Variants in RASSF5 observed in about 807,000 individuals in gnomAD.
RASSF5 encodes the protein ras association domain-containing protein 5.
Under a neutral mutation model 40.5 loss-of-function variants are expected in RASSF5, and 25 were observed. That is an observed-to-expected ratio of 0.62 (90% CI 0.45 to 0.86). The LOEUF (loss-of-function observed/expected upper bound fraction) is 0.86. Among genes scored for constraint, RASSF5 ranks in the 40% least tolerant of loss-of-function variants. The pLI is 0.00. For missense variants in RASSF5, 521 were observed against 572.8 expected, an observed-to-expected ratio of 0.91 and a Z score of 0.92; for synonymous variants, 246 against 252.4, an observed-to-expected ratio of 0.97 and a Z score of 0.24.
At position 206,529,169 on chromosome 1, in the gene RASSF5, C is replaced by T. The variant is rs1388439965; in HGVS notation, c.458-9003C>T. On this transcript the variant is annotated intron_variant, in intron 1 of 5. Coordinates refer to ENST00000579436, the MANE Select transcript of RASSF5 (RefSeq NM_182663.4). ...TTAACCAGTTCACCCAGGCCCTGGACCGCCAAACAGCTACTCAGCTGCTTA... is the reference window on the plus strand; with the variant it reads ...TTAACCAGTTCACCCAGGCCCTGGATCGCCAAACAGCTACTCAGCTGCTTA... 6.0e-6 allele frequency: 9 copies of T among 1,502,010 alleles called. No homozygotes were observed. The East Asian group carries it at 1.6e-4, about 26-fold the overall frequency. 93.0% of individuals were successfully genotyped at this position (1,502,010 alleles called of 1,614,324 possible).
At chr1:206,519,017 C>T (rs1478454418) in intron 1 of RASSF5, among the ~76,000 whole-genome samples, 1 of 152,118 alleles carries the variant, frequency 6.6e-6, no homozygotes, top group Non-Finnish European at 1.5e-5. Context: ...AGTGAAGGTG[C>T]AGGCTGCATG....
chr1:206,571,707 A>T (rs1177469415), intron 2 of RASSF5, among the ~76,000 whole-genome samples: 3 of 152,242 alleles, frequency 2.0e-5, no homozygotes, highest in African/African-American at 7.2e-5. Context: ...GCAGGAGGCC[A>T]ATTCTGTCAG....
At chr1:206,514,901 G>A (rs1553395193) in intron 1 of RASSF5, among the ~76,000 whole-genome samples, 5 of 152,154 alleles carry the variant, frequency 3.3e-5, no homozygotes, top group Non-Finnish European at 5.9e-5. Context: ...GTTGCACTTG[G>A]CTATCACTAA....
chr1:206,562,855 G>C (rs1668181957), intron 2 of RASSF5, among the ~76,000 whole-genome samples: 1 of 152,006 alleles, frequency 6.6e-6, no homozygotes, highest in Non-Finnish European at 1.5e-5. Context: ...CCGGGAGGCG[G>C]AGCTTGCAGT....
At chr1:206,544,413 A>G (rs1667623299) in intron 2 of RASSF5, 3 of 152,212 alleles carry the variant, frequency 2.0e-5, no homozygotes, top group Admixed American at 6.5e-5. Context: ...ATGAGTCTAA[A>G]TCTGGATTAG....
At position 206,584,407 on chromosome 1, in the gene RASSF5, G is replaced by A. The variant is rs372473374; in HGVS notation, c.711G>A (p.Thr237=). 2.4e-5 allele frequency: 39 copies of A among 1,613,272 alleles called. No individual in the cohort carries two copies. Among genetic ancestry groups the A allele is most frequent in the African/African-American group, 1.3e-4 (10 of 74,896 alleles). The part of the protein sequence containing the change: ...GMKLSEDGTY[T]GFIKVHLKLR... ...GGCAGAGTGAAGACGGCACCTACAC[G>A]GGTTTCATCAAAGTGCATCTGAAAC... is the stretch of plus-strand genomic sequence containing the variant. Residue 237 remains threonine (T), a synonymous_variant, in exon 4 of 6, where the codon ACG becomes ACA. Coordinates refer to ENST00000579436, the MANE Select transcript of RASSF5 (RefSeq NM_182663.4). The surrounding 1 kb of genome is among the most constrained non-coding windows in gnomAD (Gnocchi z 4.9).
In RASSF5 at chr1:206,585,250, G is replaced by A. The variant is rs782057493; in HGVS notation, c.1059G>A (p.Glu353=). The part of the protein sequence containing the change: ...YLRLLAGPDT[E]VLSFVLKENE... ...GCCTGCTTGCTGGGCCTGACACGGAGGTCCTCAGCTTTGTGCTAAAGGAGA... is the reference window on the plus strand; with the variant it reads ...GCCTGCTTGCTGGGCCTGACACGGAAGTCCTCAGCTTTGTGCTAAAGGAGA... Residue 353 remains glutamate (E), a synonymous_variant, in exon 5 of 6, where the codon GAG becomes GAA. Transcript: ENST00000579436. The A allele has an allele frequency of 2.5e-6, 4 of 1,614,192 alleles. No homozygotes were observed. Among genetic ancestry groups the A allele is most frequent in the East Asian group, 4.5e-5 (2 of 44,874 alleles).
chr1:206,584,359 AC>A lies in RASSF5; in HGVS notation c.691-23del, dbSNP rs1553407003. ...TGATCATGCAAGGCGGACGGCCCTGACCCCCTGTGACATGCCCCCGCTGGCA... is the reference window on the plus strand; with the variant it reads ...TGATCATGCAAGGCGGACGGCCCTGACCCCTGTGACATGCCCCCGCTGGCA... On this transcript the variant is annotated intron_variant, in intron 3 of 5. Transcript: ENST00000579436. This position sits in a 1 kb window ranked among gnomAD's most constrained non-coding sequence, Gnocchi z 4.9. 2 of 1,589,256 alleles carry A rather than the reference AC, an allele frequency of 1.3e-6. No homozygotes were observed. The highest frequency in any genetic ancestry group is 1.2e-5 in the South Asian group (1 of 86,112).
chr1:206,517,376 G>A (rs1367663950), intron 1 of RASSF5, among the ~76,000 whole-genome samples: 2 of 152,176 alleles, frequency 1.3e-5, no homozygotes, highest in East Asian at 3.8e-4. Context: ...ATGCTGGGGG[G>A]TGGGAGAATC....
chr1:206,520,514 G>T, intron 1 of RASSF5, among the ~76,000 whole-genome samples: 1 of 151,792 alleles, frequency 6.6e-6, no homozygotes, highest in East Asian at 1.9e-4. Flanking sequence ...GGCTGAGGCC[G>T]GAGAATTGCT....
intron 2 of RASSF5, among the ~76,000 whole-genome samples, chr1:206,541,281 T>C (rs1223583938): frequency 6.6e-6 from 1 of 152,266 alleles, no homozygotes; most frequent in African/African-American, 2.4e-5. Flanking sequence ...ATGTTCTTCC[T>C]GAACATTCAT....
chr1:206,555,137 G>C (rs1553401571), intron 2 of RASSF5, among the ~76,000 whole-genome samples: 1 of 152,170 alleles, frequency 6.6e-6, no homozygotes, highest in Non-Finnish European at 1.5e-5. Context: ...TTTTCATAAG[G>C]TTTGGAATGG....
chr1:206,508,914 TG>T (rs111518065), intron 1 of RASSF5, among the ~76,000 whole-genome samples: 19 of 152,232 alleles, frequency 1.2e-4, no homozygotes, highest in African/African-American at 3.6e-4. Context: ...TCAGTCTCCT[TG>T]GGGGTTTATT....
intron 1 of RASSF5, among the ~76,000 whole-genome samples, chr1:206,523,880 T>C (rs1667006876): frequency 9.0e-6 from 1 of 111,258 alleles, no homozygotes; most frequent in Non-Finnish European, 1.6e-5. Flanking sequence ...ATATATTTTA[T>C]ATATATTTTT....
At chr1:206,586,532 T>C (rs7531197) in intron 5 of RASSF5, 198,695 of 275,014 alleles carry the variant, frequency 0.72, 72,531 homozygotes, top group African/African-American at 0.83. Context: ...CCAGCATCAC[T>C]GTCAAGATCT....
chr1:206,584,323 A>T lies in RASSF5; in HGVS notation c.691-64A>T. The T allele has an allele frequency of 6.7e-7, 1 of 1,501,756 alleles. No individual in the cohort carries two copies. The allele number at this position is 1,501,756 out of a possible 1,614,324, so 93.0% of individuals were successfully genotyped here. On this transcript the variant is annotated intron_variant, in intron 3 of 5. Transcript: ENST00000579436. The surrounding 1 kb of genome is among the most constrained non-coding windows in gnomAD (Gnocchi z 4.9). ...GGGTGCTGCTGGGGCAATGGCCCCG[A>T]GTGGCAGATATGATCATGCAAGGCG...
chr1:206,527,678 T>C (rs116522878), intron 1 of RASSF5, among the ~76,000 whole-genome samples: 3,978 of 152,100 alleles, frequency 0.026, 118 homozygotes, highest in African/African-American at 0.081. Context: ...GACCGAAGCC[T>C]CAGGTGGGGT....
chr1:206,545,006 T>C (rs1667644089), intron 2 of RASSF5: 1 of 152,134 alleles, frequency 6.6e-6, no homozygotes, highest in South Asian at 2.1e-4. Flanking sequence ...GAAATGCGCC[T>C]AAAAGGGCAG....
chr1:206,527,853 G>A lies in RASSF5; in HGVS notation c.458-10319G>A, dbSNP rs541504342. The stretch of plus-strand genomic sequence containing the variant: ...GGGACCAGGAACAAGTGGAGGGGAC[G>A]GTTCTGAGGAATGGGCTGTTGAGGA... On this transcript the variant is annotated intron_variant, in intron 1 of 5. Transcript: ENST00000579436. Among the ~76,000 whole-genome samples, 6 of 152,202 alleles carry A rather than the reference G, an allele frequency of 3.9e-5. No homozygotes were observed. The South Asian group carries it at 8.3e-4, about 21-fold the overall frequency.
Sources: gnomAD v4.1 joint callset for allele counts (sites outside exome capture counted in the v4.1 genomes callset) on GRCh38, gnomAD v4.1.1 for gene constraint, Gnocchi (gnomAD v3.1) non-coding constraint, MANE v1.5 for transcripts, NCBI Gene and HGNC (gene_info 2026-07-23, HGNC 2026-07-21) for gene names.